MRPL9: variants seen among roughly 807,000 people sequenced by gnomAD.
MRPL9 encodes the protein large ribosomal subunit protein bL9m.
In MRPL9, 25 loss-of-function variants were observed where a neutral mutation model predicts 27.6. The observed-to-expected ratio is 0.91, with a 90% CI of 0.66 to 1.27. MRPL9 has a LOEUF of 1.27. Ranked by LOEUF, MRPL9 falls within the 50% of genes most tolerant of loss-of-function variation. The pLI, the probability that MRPL9 is intolerant of heterozygous loss-of-function variation, is 0.00. For missense variants in MRPL9, 362 were observed against 338.0 expected (o/e 1.07, Z -0.56); for synonymous variants, 154 against 139.0 (o/e 1.11, Z -0.76).
At position 151,760,532 on chromosome 1, in the gene MRPL9, G is replaced by A. The variant is rs373723935; in HGVS notation, c.672+284C>T. Among the ~76,000 whole-genome samples the A allele has an allele frequency of 1.3e-4, 18 of 138,806 alleles. No homozygotes were observed. The Admixed American group carries it at 1.3e-3, about 10-fold the overall frequency. The allele number at this position is 138,806 out of a possible 152,430, so 91.1% of individuals were successfully genotyped here. A position where few individuals can be genotyped will look rare whatever the true frequency, so the allele number is the denominator to read the frequency against. ...GTGGAGGTTGCAGTGAGCTGAGATC[G>A]TGCCACTGCACTCCAGTCTGGGCAA... On this transcript the variant is annotated intron_variant, in intron 6 of 6. Transcript: ENST00000368830.
Position 151,763,441 on chromosome 1 carries a change from C to A in MRPL9, c.39G>T (p.Leu13=). The change falls in exon 1 of 7, where the codon CTG becomes CTT. Residue 13 remains leucine (L), a synonymous_variant. Coordinates refer to ENST00000368830, the MANE Select transcript of MRPL9 (RefSeq NM_031420.4). ...APVVTAPGRA[L]LRAGAGRLLR... is the part of the protein sequence containing the mutation. ...GCAGCCGTCCAGCGCCCGCCCGCAG[C>A]AGAGCTCTGCCCGGGGCCGTGACAA... The A allele has an allele frequency of 6.4e-7, 1 of 1,571,384 alleles. No homozygotes were observed. Among genetic ancestry groups the A allele is most frequent in the African/African-American group, 1.3e-5 (1 of 74,098 alleles).
intron 6 of MRPL9, 118 bp from the exon 7 acceptor site, chr1:151,760,299 TG>T (rs1648005901): frequency 7.7e-7 from 1 of 1,301,976 alleles, no homozygotes; most frequent in Non-Finnish European, 1.1e-6. Context: ...GAGCTAGGGC[TG>T]GGCACAGTGG....
At chr1:151,762,965 G>A (rs74905404) in intron 2 of MRPL9, 25 bp downstream of exon 2, 154,860 of 1,608,858 alleles carry the variant, frequency 0.096, 7,967 homozygotes, top group Non-Finnish European at 0.11. Flanking sequence ...CAGCCTGAGA[G>A]GAAGCGCCTC....
At chr1:151,762,024 A>C (rs1648107060) in intron 4 of MRPL9, 81 bp downstream of exon 4, 1 of 1,379,344 alleles carries the variant, frequency 7.2e-7, no homozygotes, top group Non-Finnish European at 1.0e-6. Context: ...CAATCAGGAG[A>C]CCTCAAGGGA....
chr1:151,761,892 T>C (rs938792418), intron 4 of MRPL9: 3 of 604,016 alleles, frequency 5.0e-6, no homozygotes, highest in Non-Finnish European at 8.8e-6. Flanking sequence ...GATTCCCAGA[T>C]TGGGACCTCC....
intron 5 of MRPL9, 27 bp from the exon 6 acceptor site, chr1:151,760,926 A>AAAAAAAAAAAAAAAAC (rs57922119): frequency 2.1e-6 from 3 of 1,419,404 alleles, no homozygotes; most frequent in Non-Finnish European, 1.9e-6. Context: ...AAAAAAAAAA[A>AAAAAAAAAAAAAAAAC]TCTCAGCTCA....
chr1:151,763,493 G>A lies in MRPL9; in HGVS notation c.-14C>T, dbSNP rs1261947583. ...GGGCGCCGCCATGTTCACAGGCACA[G>A]AATGAGACCTGAGGGAGGACCCCGG... On this transcript the variant is annotated 5_prime_UTR_variant, in exon 1 of 7. Transcript: ENST00000368830. 3.9e-6 allele frequency: 6 copies of A among 1,555,610 alleles called. No individual in the cohort carries two copies. The East Asian group carries it at 1.4e-4, about 37-fold the overall frequency.
chr1:151,760,792 A>AG, intron 6 of MRPL9, 24 bp downstream of exon 6: 1 of 1,548,546 alleles, frequency 6.5e-7, no homozygotes. Flanking sequence ...AGAAAAGAAA[A>AG]AAGAAAGTAT....
In MRPL9 at chr1:151,759,990, T is replaced by C. The variant is rs921147916; in HGVS notation, c.*60A>G. On this transcript the variant is annotated 3_prime_UTR_variant, in exon 7 of 7. Transcript: ENST00000368830. ...AGAGCTGGGAGTGAGATCAGGGTGCTTGCACATTTCTGCTCCACTGCTCCC... is the reference window on the plus strand; with the variant it reads ...AGAGCTGGGAGTGAGATCAGGGTGCCTGCACATTTCTGCTCCACTGCTCCC... The C allele has an allele frequency of 2.5e-5, 40 of 1,589,760 alleles. No individual in the cohort carries two copies. The highest frequency in any genetic ancestry group is 3.0e-5 in the Non-Finnish European group (35 of 1,168,054).
rs11454049 is a variant in MRPL9 at position 151,760,576 on chromosome 1, C to CAAAA, written c.672+236_672+239dup. Among the ~76,000 whole-genome samples the CAAAA allele has an allele frequency of 1.9e-3, 93 of 50,202 alleles. 1 individual carries two copies. The highest frequency in any genetic ancestry group is 2.2e-3 in the Non-Finnish European group (67 of 29,904). The allele number at this position is 50,202 out of a possible 152,430, so 32.9% of individuals were successfully genotyped here. A position where few individuals can be genotyped will look rare whatever the true frequency, so the allele number is the denominator to read the frequency against. On this transcript the variant is annotated intron_variant, in intron 6 of 6. Coordinates refer to ENST00000368830, the MANE Select transcript of MRPL9 (RefSeq NM_031420.4). ...TGGGCAACAGAGTGAGACTCCAGCT[C>CAAAA]AAAAAAAAAAAAAAAAAAAAAAAAA...
At chr1:151,761,193 A>G (rs1228944373) in intron 5 of MRPL9, among the ~76,000 whole-genome samples, 3 of 152,356 alleles carry the variant, frequency 2.0e-5, no homozygotes, top group African/African-American at 7.2e-5. Flanking sequence ...AGTGAGTCAC[A>G]AATCCCCAGC....
chr1:151,759,705 T>G lies in MRPL9; in HGVS notation c.*345A>C. 1.6e-5 allele frequency: 3 copies of G among 190,428 alleles called. No individual in the cohort carries two copies. Among genetic ancestry groups the G allele is most frequent in the Admixed American group, 6.1e-5 (1 of 16,274 alleles). 11.8% of individuals were successfully genotyped at this position (190,428 alleles called of 1,614,324 possible). On this transcript the variant is annotated 3_prime_UTR_variant, in exon 7 of 7. Transcript: ENST00000368830. ...GGATACAAATGTTCAGTTTGGATGATGAGAATGAGGCAAGTACTGGAGACA... is the reference window on the plus strand; with the variant it reads ...GGATACAAATGTTCAGTTTGGATGAGGAGAATGAGGCAAGTACTGGAGACA...
Position 151,763,166 on chromosome 1 carries a change from C to A in MRPL9, c.154-20G>T, listed in dbSNP as rs371825499. On this transcript the variant is annotated intron_variant, in intron 1 of 6. Transcript: ENST00000368830. ...CGTGCCCTGGCGGCCAGGAAAGCGA[C>A]GGTAAGCTAGTCTCCACAAGGAACA... The A allele has an allele frequency of 6.2e-6, 10 of 1,610,960 alleles. No individual in the cohort carries two copies. Among genetic ancestry groups the A allele is most frequent in the Non-Finnish European group, 8.5e-6 (10 of 1,178,158 alleles).
At position 151,762,361 on chromosome 1, in the gene MRPL9, T is replaced by C. The variant is rs755696013; in HGVS notation, c.435+15A>G. The C allele has an allele frequency of 1.2e-6, 2 of 1,614,070 alleles. No individual in the cohort carries two copies. Among genetic ancestry groups the C allele is most frequent in the South Asian group, 2.2e-5 (2 of 91,072 alleles). Reference sequence around the variant, plus strand: ...TTTATCTCCCCAAGTCTCTCTGTCCTTCCTTTGAGCTCACCAATTTCTCCT... The same window carrying C: ...TTTATCTCCCCAAGTCTCTCTGTCCCTCCTTTGAGCTCACCAATTTCTCCT... On this transcript the variant is annotated intron_variant, in intron 3 of 6. Coordinates refer to ENST00000368830, the MANE Select transcript of MRPL9 (RefSeq NM_031420.4).
Position 151,763,467 on chromosome 1 carries a change from C to A in MRPL9, c.13G>T (p.Val5Phe), listed in dbSNP as rs1648222163. The A allele has an allele frequency of 1.9e-6, 3 of 1,574,528 alleles. No homozygotes were observed. Among genetic ancestry groups the A allele is most frequent in the Non-Finnish European group, 2.6e-6 (3 of 1,160,774 alleles). MAAP[V>F]VTAPGRALLR... ...AGAGCTCTGCCCGGGGCCGTGACAA[C>A]GGGCGCCGCCATGTTCACAGGCACA... Residue 5 changes from valine (V) to phenylalanine (F), a missense_variant, in exon 1 of 7, where the codon GTT (valine) becomes TTT (phenylalanine). Val to Phe is a conservative substitution (Grantham distance 50). Transcript: ENST00000368830.
Position 151,763,076 on chromosome 1 carries a change from C to T in MRPL9, c.224G>A (p.Arg75Gln). 2.5e-6 allele frequency: 4 copies of T among 1,614,100 alleles called. No individual in the cohort carries two copies. Among genetic ancestry groups the T allele is most frequent in the Non-Finnish European group, 3.4e-6 (4 of 1,179,986 alleles). ...CACCAGCTTATAGACGCGATGTCGC[C>T]GGTGCAGGCGCGGCTTCCGGCCCTC... ...AGEGRKPRLH[R>Q]RHRVYKLVED... The change falls in exon 2 of 7, where the codon CGG (arginine) becomes CAG (glutamine). Residue 75 changes from arginine to glutamine, a missense_variant. Transcript: ENST00000368830.
Position 151,762,156 on chromosome 1 carries a change from C to T in MRPL9, c.436-1G>A. ...TCTCTAATTTTCCTTCTTGTCTCAG[C>T]TAGAAAAGAAAGTTAAAGATGAAAA... On this transcript the variant is annotated splice_acceptor_variant, in intron 3 of 6. Coordinates refer to ENST00000368830, the MANE Select transcript of MRPL9 (RefSeq NM_031420.4). LOFTEE classifies it high-confidence loss of function. 6.2e-7 allele frequency: 1 copy of T among 1,614,010 alleles called. No individual in the cohort carries two copies. Among genetic ancestry groups the T allele is most frequent in the Non-Finnish European group, 8.5e-7 (1 of 1,179,932 alleles).
intron 3 of MRPL9, 37 bp from the exon 4 acceptor site, chr1:151,762,192 A>G: frequency 6.2e-7 from 1 of 1,608,240 alleles, no homozygotes; most frequent in Non-Finnish European, 8.5e-7. Context: ...GCAGTAAAAG[A>G]AAAATGAGCC....
intron 3 of MRPL9, 49 bp from the exon 4 acceptor site, chr1:151,762,204 A>AT (rs1648117411): frequency 6.3e-7 from 1 of 1,597,862 alleles, no homozygotes; most frequent in African/African-American, 1.3e-5. Context: ...AAATGAGCCC[A>AT]TGTTAAATAG....
Sources: allele counts gnomAD v4.1 joint callset (sites outside exome capture counted in the v4.1 genomes callset), GRCh38; gene constraint gnomAD v4.1.1; transcripts MANE v1.5; gene names NCBI Gene and HGNC (gene_info 2026-07-23, HGNC 2026-07-21).